Variants in BTD observed in about 807,000 individuals in gnomAD.
The protein encoded by BTD is biotinidase.
BTD carries 13 observed loss-of-function variants against 17.7 expected under a neutral mutation model. The observed-to-expected ratio is 0.74, with a 90% confidence interval of 0.48 to 1.17. The LOEUF (loss-of-function observed/expected upper bound fraction) is 1.17. BTD is among the 50% of genes most tolerant of loss of function. BTD has a pLI of 0.00. For missense variants in BTD, 674 were observed against 650.4 expected, an observed-to-expected ratio of 1.04 and a Z score of -0.39; for synonymous variants, 240 against 245.2, an observed-to-expected ratio of 0.98 and a Z score of 0.20.
chr3:15,711,923 T>C (rs1036316790), exon 4 of BTD, among the ~76,000 whole-genome samples: 1 of 152,020 alleles, frequency 6.6e-6, no homozygotes, highest in Non-Finnish European at 1.5e-5. Context: ...CTTGAACTCC[T>C]GACCTCAAGT....
At chr3:15,691,786 A>G (rs1039680613) in intron 3 of BTD, among the ~76,000 whole-genome samples, 3 of 152,220 alleles carry the variant, frequency 2.0e-5, no homozygotes, top group Non-Finnish European at 4.4e-5. Context: ...TATGCTACTG[A>G]AAGAATGAAC....
chr3:15,605,269 TACATG>T (rs2064412621), intron 1 of BTD, among the ~76,000 whole-genome samples: 2 of 152,226 alleles, frequency 1.3e-5, no homozygotes, highest in African/African-American at 2.4e-5. Flanking sequence ...AGGCACGTCT[TACATG>T]GCGACAGGCA....
chr3:15,705,371 A>G (rs987909507), intron 3 of BTD, among the ~76,000 whole-genome samples: 6 of 152,180 alleles, frequency 3.9e-5, no homozygotes, highest in African/African-American at 1.4e-4. Context: ...GTCTAAGGGC[A>G]GAAGGATCAA....
chr3:15,722,079 T>A (rs1339541504), exon 5 of BTD, among the ~76,000 whole-genome samples: 2 of 152,084 alleles, frequency 1.3e-5, no homozygotes, highest in African/African-American at 4.8e-5. Context: ...AGGGAATAGT[T>A]TATATGATTA....
intron 3 of BTD, chr3:15,689,778 A>G (rs2068577391): frequency 4.6e-6 from 2 of 433,698 alleles, no homozygotes; most frequent in African/African-American, 2.0e-5. Context: ...GGGTTGATAT[A>G]ATACACTGTA....
rs535885390 is a variant in BTD at position 15,652,394 on chromosome 3, G to C, written c.*6906G>C. 6.6e-6 allele frequency among the ~76,000 whole-genome samples: 1 copy of C among 151,776 alleles called. No homozygotes were observed. Among genetic ancestry groups the C allele is most frequent in the African/African-American group, 2.4e-5 (1 of 41,296 alleles). The stretch of plus-strand genomic sequence containing the variant: ...GCTATCTTGGGTCCCTCCCTCTGGG[G>C]AAAGCCAGTTGCCATCTCCCAAGGA... On this transcript the variant is annotated 3_prime_UTR_variant, in exon 4 of 4. Coordinates refer to ENST00000643237, the MANE Select transcript of BTD (RefSeq NM_001370658.1).
intron 3 of BTD, chr3:15,695,076 T>C: frequency 2.2e-6 from 2 of 889,122 alleles, no homozygotes; most frequent in Non-Finnish European, 1.8e-6. Flanking sequence ...ACCGTCTTTG[T>C]GCCTAATATG....
chr3:15,699,827 T>C (rs963413992), intron 3 of BTD, among the ~76,000 whole-genome samples: 9 of 152,186 alleles, frequency 5.9e-5, no homozygotes, highest in Admixed American at 2.0e-4. Context: ...GACAGTGTGG[T>C]GATTCCTCAA....
chr3:15,611,615 G>GT (rs1428448702), intron 1 of BTD, among the ~76,000 whole-genome samples: 1 of 151,898 alleles, frequency 6.6e-6, no homozygotes, highest in Non-Finnish European at 1.5e-5. Context: ...GCATGGTTTA[G>GT]TTTTTTCTTT....
At chr3:15,607,315 G>A (rs2064487132) in intron 1 of BTD, among the ~76,000 whole-genome samples, 1 of 152,224 alleles carries the variant, frequency 6.6e-6, no homozygotes, top group African/African-American at 2.4e-5. Flanking sequence ...CCAAAGAGCA[G>A]AGCTAGTCAT....
At chr3:15,703,869 A>G (rs2070974833) in intron 3 of BTD, among the ~76,000 whole-genome samples, 1 of 152,252 alleles carries the variant, frequency 6.6e-6, no homozygotes, top group African/African-American at 2.4e-5. Flanking sequence ...TTTATAACAT[A>G]TACCAGGACT....
chr3:15,707,899 C>T, intron 3 of BTD: 1 of 1,591,778 alleles, frequency 6.3e-7, no homozygotes, highest in Non-Finnish European at 8.6e-7. Context: ...TATTGATCCT[C>T]CACTCTCACT....
chr3:15,607,155 C>T (rs1396297729), intron 1 of BTD, among the ~76,000 whole-genome samples: 1 of 152,104 alleles, frequency 6.6e-6, no homozygotes, highest in African/African-American at 2.4e-5. Context: ...TTATTACTTT[C>T]ATTGGCAATA....
rs1332184870 is a variant in BTD at position 15,647,897 on chromosome 3, G to A, written c.*2409G>A. Among the ~76,000 whole-genome samples, 1 of 152,170 alleles carries A rather than the reference G, an allele frequency of 6.6e-6. No homozygotes were observed. Among genetic ancestry groups the A allele is most frequent in the African/African-American group, 2.4e-5 (1 of 41,428 alleles). ...TGGATTTAAAAGCCCTGTTCTTAGA[G>A]AGGAAAAAACCAGGCCTCCTCACAG... On this transcript the variant is annotated 3_prime_UTR_variant, in exon 4 of 4. Coordinates refer to ENST00000643237, the MANE Select transcript of BTD (RefSeq NM_001370658.1).
At chr3:15,709,817 G>T in intron 3 of BTD, 1 of 850,140 alleles carries the variant, frequency 1.2e-6, no homozygotes, top group Non-Finnish European at 1.8e-6. Flanking sequence ...AAGCATGAAA[G>T]CATGTTTTTA....
At chr3:15,609,833 G>A (rs2064562146) in intron 1 of BTD, among the ~76,000 whole-genome samples, 1 of 151,636 alleles carries the variant, frequency 6.6e-6, no homozygotes. Context: ...AGTGATTTTA[G>A]AGGTATAAAG....
chr3:15,682,475 T>A (rs1483177050), intron 3 of BTD, among the ~76,000 whole-genome samples: 1 of 152,170 alleles, frequency 6.6e-6, no homozygotes, highest in Non-Finnish European at 1.5e-5. Flanking sequence ...GATGGTAAAC[T>A]GGGTCCTCCT....
intron 1 of BTD, chr3:15,602,395 G>A: frequency 1.1e-6 from 1 of 888,524 alleles, no homozygotes; most frequent in Non-Finnish European, 1.4e-6. Flanking sequence ...AGGAACTATG[G>A]CGTTTCATAA....
At chr3:15,640,824 A>G (rs371023645) in intron 2 of BTD, among the ~76,000 whole-genome samples, 1 of 147,250 alleles carries the variant, frequency 6.8e-6, no homozygotes, top group Non-Finnish European at 1.5e-5. Flanking sequence ...AACAATAAGT[A>G]TCTGTGTTAT....
Sources: gnomAD v4.1 joint callset for allele counts (sites outside exome capture counted in the v4.1 genomes callset) on GRCh38, gnomAD v4.1.1 for gene constraint, MANE v1.5 for transcripts, NCBI Gene and HGNC (gene_info 2026-07-23, HGNC 2026-07-21) for gene names.